Variants in SBNO2 observed in about 807,000 individuals in gnomAD.
SBNO2 encodes strawberry notch homolog 2.
Under a neutral mutation model 146.3 loss-of-function variants are expected in SBNO2, and 89 were observed. That is an observed-to-expected ratio of 0.61 (90% CI 0.51 to 0.73). The LOEUF (loss-of-function observed/expected upper bound fraction) is 0.73, where lower values mean the gene tolerates loss of function less well. Ranked by LOEUF, SBNO2 falls within the 30% of genes least tolerant of loss-of-function variation. SBNO2 has a pLI of 0.00. For synonymous variants in SBNO2, 1,147 were observed against 892.6 expected, an observed-to-expected ratio of 1.29 and a Z score of -5.08; for missense variants, 2,092 against 2,003.7, an observed-to-expected ratio of 1.04 and a Z score of -0.84.
In SBNO2 at chr19:1,157,686, T is replaced by C. The variant is rs2145323776; in HGVS notation, c.-126-3284A>G. On this transcript the variant is annotated intron_variant, in intron 1 of 31. Coordinates refer to ENST00000361757, the MANE Select transcript of SBNO2 (RefSeq NM_014963.3). The surrounding 1 kb of genome is among the most constrained non-coding windows in gnomAD (Gnocchi z 6.8). ...TGAAATCAGGTCTTCAAGGGAGTCG[T>C]TGTAAAAGAGAACGATGAAGGTGCT... Among the ~76,000 whole-genome samples the C allele has an allele frequency of 6.6e-6, 1 of 152,186 alleles. No homozygotes were observed. The highest frequency in any genetic ancestry group is 1.9e-4 in the East Asian group (1 of 5,194).
chr19:1,146,064 C>T (rs1476792969), intron 4 of SBNO2, among the ~76,000 whole-genome samples: 6 of 152,178 alleles, frequency 3.9e-5, no homozygotes, highest in Admixed American at 3.9e-4. Context: ...GTGGCCACAC[C>T]GCCCCAGCCC....
rs575448223 is a variant in SBNO2, at chr19:1,140,589, G to C, written c.279+6720C>G. Among the ~76,000 whole-genome samples, 3 of 152,030 alleles carry C rather than the reference G, an allele frequency of 2.0e-5. No individual in the cohort carries two copies. The highest frequency in any genetic ancestry group is 7.2e-5 in the African/African-American group (3 of 41,426). On this transcript the variant is annotated intron_variant, in intron 4 of 31. Coordinates refer to ENST00000361757, the MANE Select transcript of SBNO2 (RefSeq NM_014963.3). The surrounding 1 kb of genome is among the most constrained non-coding windows in gnomAD (Gnocchi z 4.4). ...GCCAGCAGCGGCATCCTGGCGCAGC[G>C]TGAGCCCCAGGGGTGGGGGTGGGGG...
rs1439808337 is a variant in SBNO2, at chr19:1,122,111, C to T, written c.1149+28G>A. On this transcript the variant is annotated intron_variant, in intron 11 of 31. Coordinates refer to ENST00000361757, the MANE Select transcript of SBNO2 (RefSeq NM_014963.3). ...CCCTCCGACCCCCTAATCCAGCCCT[C>T]CCCTCCCGATTGCCCCCAGCAGGAT... 4.3e-6 allele frequency: 6 copies of T among 1,388,210 alleles called. No homozygotes were observed. The African/African-American group carries it at 7.4e-5, about 17-fold the overall frequency. 86.0% of individuals were successfully genotyped at this position (1,388,210 alleles called of 1,614,324 possible). A position where few individuals can be genotyped will look rare whatever the true frequency, so the allele number is the denominator to read the frequency against.
At chr19:1,132,254 G>C in intron 4 of SBNO2, 3 of 1,311,194 alleles carry the variant, frequency 2.3e-6, no homozygotes, top group Non-Finnish European at 2.9e-6. Flanking sequence ...GCGGCTCTCC[G>C]CCCGGCTGCA....
chr19:1,124,358 A>G (rs1297915369), intron 5 of SBNO2, among the ~76,000 whole-genome samples: 2 of 152,144 alleles, frequency 1.3e-5, no homozygotes, highest in Non-Finnish European at 2.9e-5. Flanking sequence ...GTCCCGCGGG[A>G]GCTGCCAGGA....
rs376779590 is a variant in SBNO2 at position 1,147,418 on chromosome 19, G to A, written c.170C>T (p.Pro57Leu). Residue 57 changes from proline (P) to leucine (L), a missense_variant and splice_region_variant, in exon 4 of 32, where the codon CCG (proline) becomes CTG (leucine). Pro to Leu is a moderately conservative substitution (Grantham distance 98). Coordinates refer to ENST00000361757, the MANE Select transcript of SBNO2 (RefSeq NM_014963.3). ...PYPAFSSDSR[P>L]FMSSASFLGS... ...GAGGAAGGAGGCGGAGCTCATGAAC[G>A]GGCTGGAGGGAGATGGGGGGGGGGG... 8.1e-5 allele frequency: 119 copies of A among 1,470,776 alleles called. No individual in the cohort carries two copies. The highest frequency in any genetic ancestry group is 4.3e-4 in the Admixed American group (17 of 39,514). The allele number at this position is 1,470,776 out of a possible 1,614,324, so 91.1% of individuals were successfully genotyped here.
chr19:1,124,534 C>T (rs1032972721), intron 5 of SBNO2, among the ~76,000 whole-genome samples: 5 of 152,160 alleles, frequency 3.3e-5, no homozygotes, highest in East Asian at 1.9e-4. Context: ...GTCCCTCACC[C>T]GATGGCTCCC....
chr19:1,167,115 G>C (rs970091657), intron 1 of SBNO2, among the ~76,000 whole-genome samples: 3 of 152,268 alleles, frequency 2.0e-5, no homozygotes, highest in Admixed American at 2.0e-4. Flanking sequence ...GCAGCTCCAA[G>C]ACCGCTTAGA....
In SBNO2 at chr19:1,110,539, G is replaced by A. The variant is rs1359478086; in HGVS notation, c.3028+206C>T. On this transcript the variant is annotated intron_variant, in intron 26 of 31. Coordinates refer to ENST00000361757, the MANE Select transcript of SBNO2 (RefSeq NM_014963.3). This position sits in a 1 kb window ranked among gnomAD's most constrained non-coding sequence, Gnocchi z 4.9. Reference sequence around the variant, plus strand: ...GCCGTGCTCACCCACAATGCACGGTGTTCCCACGAGCCCCGAGCCCACCTG... The same window carrying A: ...GCCGTGCTCACCCACAATGCACGGTATTCCCACGAGCCCCGAGCCCACCTG... 7.2e-6 allele frequency among the ~76,000 whole-genome samples: 1 copy of A among 138,066 alleles called. No individual in the cohort carries two copies. The highest frequency in any genetic ancestry group is 2.6e-5 in the African/African-American group (1 of 37,928). 90.6% of individuals were successfully genotyped at this position (138,066 alleles called of 152,430 possible).
chr19:1,114,495 G>A, intron 17 of SBNO2, 73 bp from the exon 18 acceptor site: 1 of 1,309,866 alleles, frequency 7.6e-7, no homozygotes, highest in Non-Finnish European at 1.0e-6. Flanking sequence ...AGACGCAGCA[G>A]GACAGAGCAA....
At position 1,108,782 on chromosome 19, in the gene SBNO2, C is replaced by G. The variant is rs1259240327; in HGVS notation, c.3613G>C (p.Val1205Leu). The part of the protein sequence containing the change: ...RLKTKDRKKQ[V>L]GIKIPEGCVR... The stretch of plus-strand genomic sequence containing the variant: ...GGGGCGCCCGCCGCCCACTCACCCA[C>G]TTGCTTCTTCCTGTCCTTGGTCTTC... The change falls in exon 31 of 32, where the codon GTG (valine) becomes CTG (leucine). Residue 1205 changes from valine (V) to leucine (L), a missense_variant. Val to Leu is a conservative substitution (Grantham distance 32, BLOSUM62 1). Coordinates refer to ENST00000361757, the MANE Select transcript of SBNO2 (RefSeq NM_014963.3). The G allele has an allele frequency of 1.2e-6, 2 of 1,602,406 alleles. No individual in the cohort carries two copies. The highest frequency in any genetic ancestry group is 1.7e-5 in the Admixed American group (1 of 59,872).
chr19:1,114,265 G>A lies in SBNO2; in HGVS notation c.2043C>T (p.Ile681=), dbSNP rs753691882. The change falls in exon 18 of 32, where the codon ATC becomes ATT. Residue 681 remains isoleucine, a synonymous_variant. Transcript: ENST00000361757. ...PESLVDDDVV[I]VDAVGLPSDD... ...CACTGGGGAGCCCGACTGCATCAAC[G>A]ATGACAACGTCGTCATCCACCAGGG... The A allele has an allele frequency of 4.5e-6, 7 of 1,543,134 alleles. No individual in the cohort carries two copies. The highest frequency in any genetic ancestry group is 4.1e-5 in the African/African-American group (3 of 72,512).
chr19:1,166,853 T>C (rs2080430963), intron 1 of SBNO2, among the ~76,000 whole-genome samples: 2 of 152,226 alleles, frequency 1.3e-5, no homozygotes, highest in African/African-American at 4.8e-5. Context: ...CACCTGCTAC[T>C]GTCACTGCCT....
At chr19:1,172,960 CA>C (rs1599895382) in intron 1 of SBNO2, among the ~76,000 whole-genome samples, 1 of 151,588 alleles carries the variant, frequency 6.6e-6, no homozygotes, top group East Asian at 1.9e-4. Flanking sequence ...AAGAAGCAGC[CA>C]GGGGAGGCCC....
At chr19:1,130,687 G>A (rs1034253118) in intron 4 of SBNO2, among the ~76,000 whole-genome samples, 1 of 152,016 alleles carries the variant, frequency 6.6e-6, no homozygotes, top group Non-Finnish European at 1.5e-5. Flanking sequence ...AGCTACTCAG[G>A]AGGCTGAGGT....
chr19:1,108,990 C>A (rs1430955855), intron 30 of SBNO2, 21 bp from the exon 31 acceptor site: 9 of 1,501,042 alleles, frequency 6.0e-6, no homozygotes, highest in Non-Finnish European at 8.0e-6. Flanking sequence ...GACGGGTCGT[C>A]TCGGCTCAGG....
At chr19:1,111,760 A>G in intron 23 of SBNO2, 146 bp from the exon 24 acceptor site, 1 of 575,536 alleles carries the variant, frequency 1.7e-6, no homozygotes, top group Non-Finnish European at 2.8e-6. Flanking sequence ...CCCAGCTCTC[A>G]GCCACCTCCT....
intron 2 of SBNO2, among the ~76,000 whole-genome samples, chr19:1,152,568 A>G (rs901767428): frequency 1.3e-5 from 2 of 151,952 alleles, no homozygotes; most frequent in Non-Finnish European, 2.9e-5. Flanking sequence ...ATCCAGCCTC[A>G]ACCCCAAGGG....
intron 4 of SBNO2, among the ~76,000 whole-genome samples, chr19:1,139,560 C>T (rs1205990172): frequency 1.3e-4 from 20 of 152,008 alleles, no homozygotes; most frequent in African/African-American, 3.6e-4. Context: ...TTTGGGAGGC[C>T]GAGGCGGATG....
Sources: gnomAD v4.1 joint callset for allele counts (sites outside exome capture counted in the v4.1 genomes callset) on GRCh38, gnomAD v4.1.1 for gene constraint, Gnocchi (gnomAD v3.1) non-coding constraint, MANE v1.5 for transcripts, NCBI Gene and HGNC (gene_info 2026-07-23, HGNC 2026-07-21) for gene names.